The following TMEM131 variants were observed in gnomAD, a reference collection of about 807,000 sequenced individuals.
TMEM131 encodes 2610524E03Rik.
A neutral mutation model predicts 211.6 loss-of-function variants in TMEM131; 66 were observed. The observed-to-expected ratio is 0.31, with a 90% CI of 0.26 to 0.38. TMEM131 has a LOEUF of 0.38. TMEM131 is among the 10% of genes least tolerant of loss of function. TMEM131 has a pLI of 1.00. For missense variants in TMEM131, 2,036 were observed against 2,299.3 expected (o/e 0.89, Z 2.34); for synonymous variants, 844 against 841.3 (o/e 1.00, Z -0.06).
chr2:97,812,847 C>T (rs1482220627), intron 15 of TMEM131, 98 bp from the exon 16 acceptor site: 3 of 659,304 alleles, frequency 4.6e-6, no homozygotes, highest in Admixed American at 3.6e-5. Context: ...TTAAAGTTCC[C>T]CCCAAAATTA....
chr2:97,977,115 A>G (rs1679574967), intron 1 of TMEM131, among the ~76,000 whole-genome samples: 1 of 152,214 alleles, frequency 6.6e-6, no homozygotes, highest in Non-Finnish European at 1.5e-5. Context: ...TTAGGCAGAG[A>G]TTTCTTAGAT....
chr2:97,835,674 C>CT (rs1559390271), intron 8 of TMEM131, among the ~76,000 whole-genome samples: 1 of 152,120 alleles, frequency 6.6e-6, no homozygotes, highest in African/African-American at 2.4e-5. Flanking sequence ...TCCCTACTCT[C>CT]TTTTTTAGTC....
Position 97,766,561 on chromosome 2 carries a change from T to G in TMEM131, c.4490A>C (p.Gln1497Pro), listed in dbSNP as rs764908041. 11 of 1,613,914 alleles carry G rather than the reference T, an allele frequency of 6.8e-6. No individual in the cohort carries two copies. Among genetic ancestry groups the G allele is most frequent in the African/African-American group, 1.3e-5 (1 of 74,946 alleles). The change falls in exon 34 of 41, where the codon CAA becomes CCA. Residue 1497 changes from glutamine (Q) to proline (P), a missense_variant. Transcript: ENST00000186436. ...AATCTTGCTTGGGAGATTTCTACGT[T>G]GCTTACTTTCCAAAGGGGGAGTATA... ...LPYTPPLESK[Q>P]RRNLPSKIPL...
intron 3 of TMEM131, among the ~76,000 whole-genome samples, chr2:97,894,209 T>C (rs1200462828): frequency 6.6e-6 from 1 of 152,238 alleles, no homozygotes; most frequent in Admixed American, 6.5e-5. Flanking sequence ...GTGTTATTTC[T>C]GAGGCCTCAC....
chr2:97,957,942 G>A (rs1052481615), intron 1 of TMEM131, among the ~76,000 whole-genome samples: 3 of 152,156 alleles, frequency 2.0e-5, no homozygotes, highest in African/African-American at 7.2e-5. Context: ...AGACACAGAC[G>A]AATAAATCAA....
chr2:97,827,221 C>T (rs1682441378), intron 11 of TMEM131: 2 of 741,282 alleles, frequency 2.7e-6, no homozygotes, highest in Non-Finnish European at 5.0e-6. Flanking sequence ...CCGCAGGCAC[C>T]TGGCACGCGC....
chr2:97,919,755 A>T (rs1199683255), intron 2 of TMEM131, among the ~76,000 whole-genome samples: 1 of 152,122 alleles, frequency 6.6e-6, no homozygotes, highest in Non-Finnish European at 1.5e-5. Flanking sequence ...TTTTTAGTAG[A>T]GACAGGGTTT....
At chr2:97,810,301 T>G (rs545415179) in intron 18 of TMEM131, among the ~76,000 whole-genome samples, 2 of 152,310 alleles carry the variant, frequency 1.3e-5, no homozygotes, top group African/African-American at 4.8e-5. Context: ...TAGGGTATTT[T>G]TCTTAATTCT....
At chr2:97,826,404 C>A (rs1313590406) in intron 11 of TMEM131, among the ~76,000 whole-genome samples, 1 of 152,160 alleles carries the variant, frequency 6.6e-6, no homozygotes. Context: ...CCATTAAATA[C>A]CACAAGGAAA....
rs781057194 is a variant in TMEM131, at chr2:97,758,909, G to A, written c.5351C>T (p.Pro1784Leu). 1.9e-5 allele frequency: 30 copies of A among 1,612,114 alleles called. No homozygotes were observed. The highest frequency in any genetic ancestry group is 1.1e-4 in the East Asian group (5 of 44,792). The change falls in exon 40 of 41, where the codon CCG becomes CTG. Residue 1784 changes from proline to leucine, a missense_variant. Coordinates refer to ENST00000186436, the MANE Select transcript of TMEM131 (RefSeq NM_015348.2). ...SPSWPASSGS[P>L]THTATSVLGN... The stretch of plus-strand genomic sequence containing the variant: ...AGTACTCACTGTGGCTGTGTGGGTC[G>A]GGGAGCCGGAACTGGCTGGCCAGGA...
chr2:97,792,553 A>G lies in TMEM131; in HGVS notation c.3977T>C (p.Leu1326Pro), dbSNP rs1559361651. ...PQPERLSPAP[L>P]AHPSHPERAS... Reference sequence around the variant, plus strand: ...ACGTTCTGGGTGGGAAGGGTGTGCGAGGGGGGCGGGAGACAGCCTTTCAGG... The same window carrying G: ...ACGTTCTGGGTGGGAAGGGTGTGCGGGGGGGGCGGGAGACAGCCTTTCAGG... The change falls in exon 31 of 41, where the codon CTC becomes CCC. Residue 1326 changes from leucine (L) to proline (P), a missense_variant. Physicochemically the swap from Leu to Pro is moderately conservative, Grantham distance 98. This residue lies in a region of TMEM131 where 1,623 missense variants were observed against 1,805.9 expected (regional missense o/e 0.90). Coordinates refer to ENST00000186436, the MANE Select transcript of TMEM131 (RefSeq NM_015348.2). 2 of 1,612,994 alleles carry G rather than the reference A, an allele frequency of 1.2e-6. No homozygotes were observed. The highest frequency in any genetic ancestry group is 8.5e-7 in the Non-Finnish European group (1 of 1,179,580).
At chr2:97,946,276 C>T (rs1461731507) in intron 1 of TMEM131, among the ~76,000 whole-genome samples, 2 of 151,450 alleles carry the variant, frequency 1.3e-5, no homozygotes, top group Non-Finnish European at 3.0e-5. Context: ...GAATATAAAT[C>T]AATAAAGTAG....
chr2:97,861,114 C>T (rs142155223), intron 4 of TMEM131, among the ~76,000 whole-genome samples: 74 of 152,278 alleles, frequency 4.9e-4, no homozygotes, highest in African/African-American at 1.5e-3. Context: ...TGAACTCTAG[C>T]AGTCCTAACT....
intron 11 of TMEM131, among the ~76,000 whole-genome samples, chr2:97,820,854 T>TG (rs1245801263): frequency 2.9e-5 from 4 of 136,016 alleles, no homozygotes; most frequent in Non-Finnish European, 4.8e-5. Flanking sequence ...AGACTCCTTC[T>TG]AAAAAAAAAA....
At chr2:97,818,481 G>GGAAAA (rs796772650) in intron 12 of TMEM131, 132 bp downstream of exon 12, 8 of 293,246 alleles carry the variant, frequency 2.7e-5, no homozygotes, top group Admixed American at 5.5e-5. Context: ...GGCGGGGGGG[G>GGAAAA]ATCAACCTAA....
Position 97,888,106 on chromosome 2 carries a change from C to A in TMEM131, c.305G>T (p.Arg102Leu). Residue 102 changes from arginine to leucine, a missense_variant, in exon 4 of 41, where the codon CGG becomes CTG. By Grantham distance (102) the Arg-to-Leu change is moderately radical. This residue lies in a region of TMEM131 where 277 missense variants were observed against 378.0 expected (regional missense o/e 0.73). Coordinates refer to ENST00000186436, the MANE Select transcript of TMEM131 (RefSeq NM_015348.2). ...AAATCGTATGGGCCTGCAATTCCCC[C>A]GGTAGAGAGATATACTGTAAATAAA... ...SYQQKSISLY[R>L]GNCRPIRFEP... 6.2e-7 allele frequency: 1 copy of A among 1,613,070 alleles called. No homozygotes were observed. The highest frequency in any genetic ancestry group is 8.5e-7 in the Non-Finnish European group (1 of 1,179,296).
At chr2:97,820,247 T>C (rs931327775) in intron 11 of TMEM131, among the ~76,000 whole-genome samples, 2 of 152,240 alleles carry the variant, frequency 1.3e-5, no homozygotes, top group African/African-American at 2.4e-5. Context: ...GTTCATGTAA[T>C]ATTTTTACTT....
At chr2:97,895,479 T>C (rs1047676174) in intron 3 of TMEM131, among the ~76,000 whole-genome samples, 5 of 152,056 alleles carry the variant, frequency 3.3e-5, no homozygotes, top group African/African-American at 7.2e-5. Flanking sequence ...TTGAATTTGG[T>C]TGTGAATCTG....
At chr2:97,866,354 T>C (rs955020135) in intron 4 of TMEM131, among the ~76,000 whole-genome samples, 1 of 152,258 alleles carries the variant, frequency 6.6e-6, no homozygotes, top group Non-Finnish European at 1.5e-5. Context: ...TGCCCTGTAA[T>C]CTTCTTTCTA....
Sources: gnomAD v4.1 joint callset for allele counts (sites outside exome capture counted in the v4.1 genomes callset) on GRCh38, gnomAD v4.1.1 for gene constraint, gnomAD v4.1.1 regional missense constraint, MANE v1.5 for transcripts, NCBI Gene and HGNC (gene_info 2026-07-23, HGNC 2026-07-21) for gene names.